Variants in NUP43 observed in about 807,000 individuals in gnomAD.
The protein encoded by NUP43 is nucleoporin 43.
A neutral mutation model predicts 47.3 loss-of-function variants in NUP43; 32 were observed. The ratio of observed to expected loss-of-function variants is 0.68; its 90% CI spans 0.51 to 0.91. NUP43 has a LOEUF of 0.91. Among genes scored for constraint, NUP43 ranks in the 40% least tolerant of loss-of-function variants. NUP43 has a pLI of 0.00. For missense variants in NUP43, 444 were observed against 453.9 expected (o/e 0.98, Z 0.20); for synonymous variants, 147 against 158.4 (o/e 0.93, Z 0.54).
chr6:149,728,438 T>C (rs1270392756), intron 7 of NUP43: 6 of 983,810 alleles, frequency 6.1e-6, no homozygotes, highest in Non-Finnish European at 7.2e-6. Context: ...AGCATGGACA[T>C]GCATGCATGC....
At chr6:149,734,119 C>T (rs770882455) in intron 6 of NUP43, among the ~76,000 whole-genome samples, 3 of 151,962 alleles carry the variant, frequency 2.0e-5, no homozygotes, top group Non-Finnish European at 4.4e-5. Flanking sequence ...CCACCGCCCC[C>T]GGCCATCATT....
chr6:149,727,289 G>T (rs1784834293), intron 7 of NUP43, 91 bp from the exon 8 acceptor site: 3 of 1,474,198 alleles, frequency 2.0e-6, no homozygotes, highest in Non-Finnish European at 2.7e-6. Context: ...GAAAGGTGAT[G>T]ATATCAATGT....
At chr6:149,748,808 CA>C (rs1161065299), upstream of NUP43, among the ~76,000 whole-genome samples, 2,872 of 87,006 alleles carry the variant, frequency 0.033, 5 homozygotes, top group Non-Finnish European at 0.049. Context: ...GACTCCGTCT[CA>C]AAAAAAAAAA....
rs1362500923 is a variant in NUP43 at position 149,726,657 on chromosome 6, T to A, written c.*312A>T. On this transcript the variant is annotated 3_prime_UTR_variant, in exon 8 of 8. Coordinates refer to ENST00000340413, the MANE Select transcript of NUP43 (RefSeq NM_198887.3). ...CATTGATGTGTTAATTCCCACAACA[T>A]CAAAAATAAAGAATTAGTTCCACAA... The A allele has an allele frequency of 2.9e-6, 1 of 342,924 alleles. No individual in the cohort carries two copies. Among genetic ancestry groups the A allele is most frequent in the Non-Finnish European group, 5.5e-6 (1 of 181,096 alleles). 21.2% of individuals were successfully genotyped at this position (342,924 alleles called of 1,614,324 possible).
At chr6:149,745,770 C>A (rs1394944865) in intron 2 of NUP43, among the ~76,000 whole-genome samples, 170 bp downstream of exon 2, 1 of 152,194 alleles carries the variant, frequency 6.6e-6, no homozygotes, top group African/African-American at 2.4e-5. Flanking sequence ...CTTTCCCAGT[C>A]CTTTTTCTGC....
In NUP43 at chr6:149,726,444, T is replaced by A. The variant is rs2115067204; in HGVS notation, c.*525A>T. On this transcript the variant is annotated 3_prime_UTR_variant, in exon 8 of 8. Transcript: ENST00000340413. ...TGAACACAGCTACACATCTTTGTCA[T>A]TTTTGCTCTACTCAATTCTTTCTGA... is the stretch of plus-strand genomic sequence containing the variant. 1 of 154,170 alleles carries A rather than the reference T, an allele frequency of 6.5e-6. No individual in the cohort carries two copies. Among genetic ancestry groups the A allele is most frequent in the South Asian group, 2.0e-4 (1 of 5,002 alleles). 9.6% of individuals were successfully genotyped at this position (154,170 alleles called of 1,614,324 possible). A position where few individuals can be genotyped will look rare whatever the true frequency, so the allele number is the denominator to read the frequency against.
In NUP43 at chr6:149,743,379, C is replaced by T. The variant is rs1487010081; in HGVS notation, c.321+259G>A. Among the ~76,000 whole-genome samples, 7 of 152,092 alleles carry T rather than the reference C, an allele frequency of 4.6e-5. No homozygotes were observed. The East Asian group carries it at 1.4e-3, about 30-fold the overall frequency. ...CTTTGGGAGGCCGAAGAGGGCTGAT[C>T]ACCTGAGGTCAGGTGAGATCAGCCT... On this transcript the variant is annotated intron_variant, in intron 3 of 7. Transcript: ENST00000340413.
chr6:149,741,861 A>G (rs1785674983), intron 4 of NUP43, among the ~76,000 whole-genome samples: 3 of 151,658 alleles, frequency 2.0e-5, no homozygotes, highest in African/African-American at 7.3e-5. Context: ...AAGGAGTACA[A>G]TGATTTTTCT....
Position 149,745,950 on chromosome 6 carries a change from A to G in NUP43, c.233T>C (p.Met78Thr), listed in dbSNP as rs1169682625. 2 of 1,611,376 alleles carry G rather than the reference A, an allele frequency of 1.2e-6. No individual in the cohort carries two copies. The highest frequency in any genetic ancestry group is 2.7e-5 in the African/African-American group (2 of 74,932). Residue 78 changes from methionine to threonine, a missense_variant, in exon 2 of 8, where the codon ATG becomes ACG. Met to Thr is a moderately conservative substitution (Grantham distance 81). Transcript: ENST00000340413. The stretch of plus-strand genomic sequence containing the variant: ...GCTACACAGATTTACCTGTAAATCC[A>G]TTACATCACCATGGTGTCTGATATC... ...LCDIRHHGDV[M>T]DLQFFDQERI...
chr6:149,745,401 GAAAAAAA>G (rs748770682), intron 2 of NUP43, among the ~76,000 whole-genome samples: 6 of 118,304 alleles, frequency 5.1e-5, no homozygotes, highest in Admixed American at 2.6e-4. Context: ...CTCCATCTTG[GAAAAAAA>G]AAAAAAAAAG....
intron 7 of NUP43, chr6:149,729,455 G>C: frequency 1.1e-6 from 1 of 880,070 alleles, no homozygotes; most frequent in Non-Finnish European, 1.4e-6. Flanking sequence ...GCTCCTTCCT[G>C]CTCCAGGTTT....
upstream of NUP43, chr6:149,746,634 G>T (rs1278609264): frequency 1.3e-6 from 2 of 1,590,314 alleles, no homozygotes; most frequent in Non-Finnish European, 1.7e-6. Context: ...CTCGTCGATA[G>T]CCAGTGTGGG....
upstream of NUP43, chr6:149,746,651 C>G (rs2115173542): frequency 6.4e-7 from 1 of 1,571,634 alleles, no homozygotes; most frequent in East Asian, 2.4e-5. Flanking sequence ...TGGGCACAGT[C>G]AGTACCTAGA....
intron 5 of NUP43, 136 bp downstream of exon 5, chr6:149,738,507 G>T: frequency 5.6e-6 from 3 of 537,404 alleles, no homozygotes; most frequent in Non-Finnish European, 6.1e-6. Flanking sequence ...AGTTATGCTT[G>T]CTCTACCAAA....
At chr6:149,728,495 AT>A (rs1222780294) in intron 7 of NUP43, 38 of 977,366 alleles carry the variant, frequency 3.9e-5, no homozygotes, top group South Asian at 4.7e-5. Flanking sequence ...AAGTTTTAGA[AT>A]TTTTTTCCCC....
At position 149,743,706 on chromosome 6, in the gene NUP43, G is replaced by A. The variant is rs1785801000; in HGVS notation, c.253C>T (p.Gln85Ter). The A allele has an allele frequency of 2.5e-6, 4 of 1,606,032 alleles. No individual in the cohort carries two copies. The highest frequency in any genetic ancestry group is 2.2e-5 in the East Asian group (1 of 44,760). ...GDVMDLQFFD[Q>*]ERIVAASSTG... ...GATGAAGCAGCGACAATTCTTTCCT[G>A]GTCAAAAAACTAAAGAGAAAATTTC... The change falls in exon 3 of 8, where the codon CAG becomes TAG. Residue 85 changes from glutamine (Q) to a stop codon, truncating the protein, a stop_gained. Transcript: ENST00000340413. LOFTEE classifies it high-confidence loss of function.
upstream of NUP43, among the ~76,000 whole-genome samples, chr6:149,747,243 T>C (rs1786059525): frequency 6.6e-6 from 1 of 152,116 alleles, no homozygotes; most frequent in South Asian, 2.1e-4. Context: ...TCCTTTACCA[T>C]TTCCTGACGA....
At chr6:149,746,675 C>A, upstream of NUP43, 1 of 1,548,326 alleles carries the variant, frequency 6.5e-7, no homozygotes, top group Non-Finnish European at 8.7e-7. Flanking sequence ...AGAGGCCCAC[C>A]CATCTCACAG....
In NUP43 at chr6:149,738,760, G is replaced by C. The variant is rs910103125; in HGVS notation, c.521C>G (p.Thr174Arg). 4 of 1,547,734 alleles carry C rather than the reference G, an allele frequency of 2.6e-6. No homozygotes were observed. Among genetic ancestry groups the C allele is most frequent in the Non-Finnish European group, 3.5e-6 (4 of 1,149,480 alleles). ...VRTIDNADSS[T>R]LHAVTFLRTP... is the part of the protein sequence containing the mutation. Reference sequence around the variant, plus strand: ...TCGAAGAAAGGTTACAGCATGGAGTGTACTACTATCTGCATTGTCTAAAAA... The same window carrying C: ...TCGAAGAAAGGTTACAGCATGGAGTCTACTACTATCTGCATTGTCTAAAAA... The change falls in exon 5 of 8, where the codon ACA (threonine) becomes AGA (arginine). Residue 174 changes from threonine (T) to arginine (R), a missense_variant. Physicochemically the swap from Thr to Arg is moderately conservative, Grantham distance 71. Coordinates refer to ENST00000340413, the MANE Select transcript of NUP43 (RefSeq NM_198887.3).
Sources: gnomAD v4.1 joint callset for allele counts (sites outside exome capture counted in the v4.1 genomes callset) on GRCh38, gnomAD v4.1.1 for gene constraint, MANE v1.5 for transcripts, NCBI Gene and HGNC (gene_info 2026-07-23, HGNC 2026-07-21) for gene names.